Variants in UGT1A6 observed in about 807,000 individuals in gnomAD.
The protein encoded by UGT1A6 is UDP-glucuronosyltransferase 1A6.
A neutral mutation model predicts 44.4 loss-of-function variants in UGT1A6; 32 were observed. That is an observed-to-expected ratio of 0.72 (90% CI 0.54 to 0.97). The LOEUF (loss-of-function observed/expected upper bound fraction) is 0.97. Ranked by LOEUF, UGT1A6 falls within the 50% of genes least tolerant of loss-of-function variation. The probability of loss-of-function intolerance (pLI) is 0.00; values close to 1 mark genes in which losing one functional copy is unlikely to be tolerated. For synonymous variants in UGT1A6, 238 were observed against 248.5 expected, an observed-to-expected ratio of 0.96 and a Z score of 0.40; for missense variants, 685 against 661.9, an observed-to-expected ratio of 1.03 and a Z score of -0.38.
chr2:233,729,702 C>T, intron 1 of UGT1A6: 4 of 1,613,950 alleles, frequency 2.5e-6, no homozygotes, highest in Non-Finnish European at 3.4e-6. Context: ...ACCCTTCCTC[C>T]TATATTCCTA....
chr2:233,716,480 G>A (rs17863792), intron 1 of UGT1A6, among the ~76,000 whole-genome samples: 15,444 of 151,946 alleles, frequency 0.1, 900 homozygotes, highest in East Asian at 0.2. Context: ...TCTGTCCTCC[G>A]TAGTCTTCTA....
At position 233,693,292 on chromosome 2, in the gene UGT1A6, C is replaced by T; in HGVS notation, c.288C>T (p.Asn96=). The stretch of plus-strand genomic sequence containing the variant: ...AGAACCGTTACCAATCATTTGGAAA[C>T]AATCACTTTGCTGAGCGATCATTCC... ...ELKNRYQSFG[N]NHFAERSFLT... is the part of the protein sequence containing the mutation. Residue 96 remains asparagine, a synonymous_variant, in exon 1 of 5, where the codon AAC becomes AAT. Transcript: ENST00000305139. 6.2e-7 allele frequency: 1 copy of T among 1,614,114 alleles called. No homozygotes were observed. The highest frequency in any genetic ancestry group is 8.5e-7 in the Non-Finnish European group (1 of 1,180,006).
At chr2:233,765,122 G>A (rs181302961) in intron 1 of UGT1A6, among the ~76,000 whole-genome samples, 232 of 152,218 alleles carry the variant, frequency 1.5e-3, no homozygotes, top group Admixed American at 3.1e-3. Context: ...GACTGTTCAG[G>A]TTTTAGCACT....
chr2:233,760,289 T>C, intron 1 of UGT1A6: 1 of 1,613,270 alleles, frequency 6.2e-7, no homozygotes. Flanking sequence ...AAAGGCGCCA[T>C]GGCTGTGGAG....
At chr2:233,741,968 A>G (rs1276374481) in intron 1 of UGT1A6, 1 of 151,884 alleles carries the variant, frequency 6.6e-6, no homozygotes, top group Non-Finnish European at 1.5e-5. Context: ...TGTTGTGTTT[A>G]TGGTGCCTCA....
chr2:233,741,972 T>G (rs888756569), intron 1 of UGT1A6: 7 of 151,906 alleles, frequency 4.6e-5, no homozygotes, highest in African/African-American at 1.7e-4. Context: ...GTGTTTATGG[T>G]GCCTCACCCA....
chr2:233,730,912 A>G (rs941087892), intron 1 of UGT1A6, among the ~76,000 whole-genome samples: 20 of 152,310 alleles, frequency 1.3e-4, no homozygotes, highest in African/African-American at 1.9e-4. Context: ...CAAAAATTTC[A>G]GAGGCAGCTT....
chr2:233,728,546 C>T (rs2008595), intron 1 of UGT1A6, among the ~76,000 whole-genome samples: 83,886 of 152,146 alleles, frequency 0.55, 25,265 homozygotes, highest in African/African-American at 0.81. Context: ...AGAGTCCTCT[C>T]TGATCCTTAC....
chr2:233,709,363 T>C (rs909070965), intron 1 of UGT1A6, among the ~76,000 whole-genome samples: 1 of 152,220 alleles, frequency 6.6e-6, no homozygotes, highest in Non-Finnish European at 1.5e-5. Flanking sequence ...TATAGATTTT[T>C]CTGTGTCCTA....
At chr2:233,716,575 T>A (rs760406565) in intron 1 of UGT1A6, among the ~76,000 whole-genome samples, 1 of 152,244 alleles carries the variant, frequency 6.6e-6, no homozygotes, top group Non-Finnish European at 1.5e-5. Flanking sequence ...TTAAAAACAA[T>A]ACTTTCAAAG....
At chr2:233,755,363 G>T (rs907026349) in intron 1 of UGT1A6, 4 of 363,278 alleles carry the variant, frequency 1.1e-5, no homozygotes. Flanking sequence ...GACCTGGGCC[G>T]CCTGGAGGGC....
chr2:233,709,011 A>G (rs1288897018), intron 1 of UGT1A6, among the ~76,000 whole-genome samples: 1 of 152,062 alleles, frequency 6.6e-6, no homozygotes, highest in East Asian at 1.9e-4. Context: ...GTGTCATAAT[A>G]CCCAAGCAGC....
chr2:233,769,915 T>C lies in UGT1A6; in HGVS notation c.1301+1476T>C, dbSNP rs906114329. 1 of 293,246 alleles carries C rather than the reference T, an allele frequency of 3.4e-6. No individual in the cohort carries two copies. The allele number at this position is 293,246 out of a possible 1,614,324, so 18.2% of individuals were successfully genotyped here. Reference sequence around the variant, plus strand: ...ACCTGAGCATCATGTGCCCAGAGCGTTGGGTGGTGTGGTCCCATTCCTTCC... The same window carrying C: ...ACCTGAGCATCATGTGCCCAGAGCGCTGGGTGGTGTGGTCCCATTCCTTCC... On this transcript the variant is annotated intron_variant, in intron 4 of 4. Transcript: ENST00000305139. The surrounding 1 kb of genome is among the most constrained non-coding windows in gnomAD (Gnocchi z 4.4).
At chr2:233,737,806 C>T (rs575024235) in intron 1 of UGT1A6, among the ~76,000 whole-genome samples, 1 of 152,098 alleles carries the variant, frequency 6.6e-6, no homozygotes, top group Non-Finnish European at 1.5e-5. Context: ...TCACTATCAT[C>T]TCAGTGGAGC....
intron 1 of UGT1A6, among the ~76,000 whole-genome samples, chr2:233,726,317 A>G (rs1017068137): frequency 1.3e-5 from 2 of 152,230 alleles, no homozygotes; most frequent in African/African-American, 4.8e-5. Context: ...CATTGAGCTC[A>G]GGAGTTTCAG....
At chr2:233,698,153 T>G (rs1447834523) in intron 1 of UGT1A6, among the ~76,000 whole-genome samples, 1 of 152,204 alleles carries the variant, frequency 6.6e-6, no homozygotes, top group Non-Finnish European at 1.5e-5. Context: ...ATTCCCAGCA[T>G]GTCGTCCTAG....
Position 233,693,758 on chromosome 2 carries a change from G to T in UGT1A6, c.754G>T (p.Val252Phe). The T allele has an allele frequency of 2.5e-6, 4 of 1,614,234 alleles. No individual in the cohort carries two copies. The highest frequency in any genetic ancestry group is 3.4e-6 in the Non-Finnish European group (4 of 1,180,050). The change falls in exon 1 of 5, where the codon GTT (valine) becomes TTT (phenylalanine). Residue 252 changes from valine to phenylalanine, a missense_variant. By Grantham distance (50) the Val-to-Phe change is conservative. Transcript: ENST00000305139. ...AATCACCTTATATCAGAAGGTCTCT[G>T]TTTGGCTGTTAAGATATGACTTTGT... ...DIITLYQKVS[V>F]WLLRYDFVLE...
chr2:233,741,020 G>A (rs946824154), intron 1 of UGT1A6: 9 of 151,702 alleles, frequency 5.9e-5, no homozygotes, highest in Admixed American at 3.3e-4. Context: ...CCAGGAATTC[G>A]TGGTTACAGT....
At chr2:233,724,088 C>T (rs1463645375) in intron 1 of UGT1A6, among the ~76,000 whole-genome samples, 27 of 104,412 alleles carry the variant, frequency 2.6e-4, no homozygotes, top group African/African-American at 6.1e-4. Context: ...AGGGGCTCCT[C>T]ACTTCCCAGT....
Sources: allele counts gnomAD v4.1 joint callset (sites outside exome capture counted in the v4.1 genomes callset), GRCh38; gene constraint gnomAD v4.1.1; non-coding constraint Gnocchi (gnomAD v3.1); transcripts MANE v1.5; gene names NCBI Gene and HGNC (gene_info 2026-07-23, HGNC 2026-07-21).